The following KSR1 variants were observed in gnomAD, a reference collection of about 807,000 sequenced individuals.
The protein encoded by KSR1 is kinase suppressor of ras 1, also known as kinase suppressor of ras.
Under a neutral mutation model 92.9 loss-of-function variants are expected in KSR1, and 35 were observed. The ratio of observed to expected loss-of-function variants is 0.38; its 90% CI spans 0.29 to 0.50. The LOEUF is 0.50. KSR1 is among the 20% of genes least tolerant of loss of function. KSR1 has a pLI of 0.94. For synonymous variants in KSR1, 467 were observed against 472.6 expected (o/e 0.99, Z 0.15); for missense variants, 972 against 1,158.5 (o/e 0.84, Z 2.34).
At chr17:27,563,713 C>T (rs1046114269) in intron 2 of KSR1, among the ~76,000 whole-genome samples, 11 of 152,206 alleles carry the variant, frequency 7.2e-5, no homozygotes, top group Admixed American at 5.2e-4. Flanking sequence ...GGCAGGAGAA[C>T]GCATCAGATG....
At chr17:27,564,636 GGCTGAAAAATA>G (rs2071985018) in intron 2 of KSR1, among the ~76,000 whole-genome samples, 1 of 152,062 alleles carries the variant, frequency 6.6e-6, no homozygotes, top group Non-Finnish European at 1.5e-5. Flanking sequence ...TGTTTCCCTT[GGCTGAAAAATA>G]GCTGAAAAAT....
rs1287644532 is a variant in KSR1 at position 27,547,716 on chromosome 17, CT to C, written c.232-2844del. Among the ~76,000 whole-genome samples, 3 of 151,910 alleles carry C rather than the reference CT, an allele frequency of 2.0e-5. No individual in the cohort carries two copies. The South Asian group carries it at 6.2e-4, about 32-fold the overall frequency. On this transcript the variant is annotated intron_variant, in intron 1 of 20. Coordinates refer to ENST00000644974, the MANE Select transcript of KSR1 (RefSeq NM_001394583.1). The stretch of plus-strand genomic sequence containing the variant: ...TCAGCCTGTATCTCAATATATTTTT[CT>C]TTTTTTTCTTTTTATTTGAGACGAT...
chr17:27,578,823 A>G (rs570613323), intron 3 of KSR1: 1 of 152,246 alleles, frequency 6.6e-6, no homozygotes, highest in Non-Finnish European at 1.5e-5. Context: ...TCACTAATTT[A>G]TGCACCTACT....
At chr17:27,557,633 A>G (rs1254345497) in intron 2 of KSR1, among the ~76,000 whole-genome samples, 2 of 152,174 alleles carry the variant, frequency 1.3e-5, no homozygotes, top group Admixed American at 6.5e-5. Context: ...GCCTCAGTTT[A>G]TCCATATGAG....
At position 27,496,197 on chromosome 17, in the gene KSR1, C is replaced by T. The variant is rs561901420; in HGVS notation, c.231+39323C>T. Among the ~76,000 whole-genome samples the T allele has an allele frequency of 2.6e-5, 4 of 152,204 alleles. No individual in the cohort carries two copies. In the East Asian group the frequency reaches 7.7e-4, roughly 29 times the overall value. ...CTTATTTTGAGTAAGAGAGTGAGGC[C>T]CCGGGTGGCGTTTTTGTGTTTGCCT... is the stretch of plus-strand genomic sequence containing the variant. On this transcript the variant is annotated intron_variant, in intron 1 of 20. Coordinates refer to ENST00000644974, the MANE Select transcript of KSR1 (RefSeq NM_001394583.1).
At chr17:27,529,611 G>T (rs150784054) in intron 1 of KSR1, among the ~76,000 whole-genome samples, 52 of 152,274 alleles carry the variant, frequency 3.4e-4, no homozygotes, top group Admixed American at 1.1e-3. Flanking sequence ...TTTCCATTTT[G>T]TATTTCCTTG....
rs145390989 is a variant in KSR1 at position 27,469,993 on chromosome 17, A to AGTGT, written c.231+13158_231+13161dup. On this transcript the variant is annotated intron_variant, in intron 1 of 20. Coordinates refer to ENST00000644974, the MANE Select transcript of KSR1 (RefSeq NM_001394583.1). Reference sequence around the variant, plus strand: ...ACTGGATCAAAGAGCATGGAGATGGAGTGTGTGTGTGTGTGTGTGTGTGTG... The same window carrying AGTGT: ...ACTGGATCAAAGAGCATGGAGATGGAGTGTGTGTGTGTGTGTGTGTGTGTGTGTG... 9.2e-3 allele frequency among the ~76,000 whole-genome samples: 1,281 copies of AGTGT among 139,614 alleles called. 10 individuals carry two copies. The highest frequency in any genetic ancestry group is 0.019 in the African/African-American group (691 of 36,744). The allele number at this position is 139,614 out of a possible 152,430, so 91.6% of individuals were successfully genotyped here.
chr17:27,471,452 G>A (rs2019996431), intron 1 of KSR1, among the ~76,000 whole-genome samples: 1 of 152,168 alleles, frequency 6.6e-6, no homozygotes, highest in African/African-American at 2.4e-5. Context: ...GAAGGCCACT[G>A]TAGCCTGGAG....
chr17:27,606,804 A>G (rs997216733), intron 14 of KSR1, among the ~76,000 whole-genome samples: 10 of 152,112 alleles, frequency 6.6e-5, no homozygotes, highest in Admixed American at 1.3e-4. Context: ...AAAAAAAAAA[A>G]AAGTAGTTAA....
intron 1 of KSR1, among the ~76,000 whole-genome samples, chr17:27,538,112 T>G (rs1241669274): frequency 6.6e-6 from 1 of 152,222 alleles, no homozygotes; most frequent in Non-Finnish European, 1.5e-5. Flanking sequence ...TTTGCTGTTG[T>G]AGGTTTTCTG....
intron 20 of KSR1, 133 bp downstream of exon 20, chr17:27,621,406 T>A (rs2074220438): frequency 2.5e-6 from 1 of 395,036 alleles, no homozygotes; most frequent in Non-Finnish European, 4.5e-6. Context: ...AAAGTGAGGT[T>A]TCTGCAGCTG....
chr17:27,583,379 A>C (rs1038159119), intron 4 of KSR1, among the ~76,000 whole-genome samples: 46 of 152,250 alleles, frequency 3.0e-4, no homozygotes, highest in Admixed American at 2.6e-4. Flanking sequence ...AGATATGCCC[A>C]AATCACCAGG....
At chr17:27,589,520 T>G (rs1486884069) in intron 6 of KSR1, among the ~76,000 whole-genome samples, 1 of 152,222 alleles carries the variant, frequency 6.6e-6, no homozygotes, top group Non-Finnish European at 1.5e-5. Context: ...ATCCTGGACC[T>G]GCCTCACTCC....
At chr17:27,457,000 TC>T (rs1255852686) in intron 1 of KSR1, 126 bp downstream of exon 1, 1 of 659,340 alleles carries the variant, frequency 1.5e-6, no homozygotes, top group Non-Finnish European at 2.7e-6. Context: ...TTCCCCTCCC[TC>T]CTGCACTCGC....
In KSR1 at chr17:27,456,885, C is replaced by A; in HGVS notation, c.231+11C>A. 2 of 847,090 alleles carry A rather than the reference C, an allele frequency of 2.4e-6. No homozygotes were observed. Among genetic ancestry groups the A allele is most frequent in the South Asian group, 2.6e-5 (2 of 76,046 alleles). 52.5% of individuals were successfully genotyped at this position (847,090 alleles called of 1,614,324 possible). ...ATACGGACCCTGGAGGTAAGTGGGTCGGGGACCAGGCTGGGCTCGAGGAGC... is the reference window on the plus strand; with the variant it reads ...ATACGGACCCTGGAGGTAAGTGGGTAGGGGACCAGGCTGGGCTCGAGGAGC... On this transcript the variant is annotated intron_variant, in intron 1 of 20. Transcript: ENST00000644974.
intron 1 of KSR1, among the ~76,000 whole-genome samples, chr17:27,467,698 T>C (rs1463459635): frequency 1.3e-5 from 2 of 152,224 alleles, no homozygotes; most frequent in African/African-American, 4.8e-5. Flanking sequence ...TTTCAGTGTC[T>C]GTTAATCTCT....
intron 1 of KSR1, among the ~76,000 whole-genome samples, chr17:27,494,542 C>T (rs1212819743): frequency 1.3e-5 from 2 of 152,160 alleles, no homozygotes; most frequent in African/African-American, 4.8e-5. Flanking sequence ...GTGTCAGCCC[C>T]CTCTGCCTCG....
intron 19 of KSR1, among the ~76,000 whole-genome samples, chr17:27,618,947 CG>C (rs1264164132): frequency 6.6e-6 from 1 of 152,208 alleles, no homozygotes; most frequent in African/African-American, 2.4e-5. Context: ...GCTCTTGCCT[CG>C]GCCTCCCAAA....
chr17:27,570,547 A>G (rs1878043110), intron 2 of KSR1, among the ~76,000 whole-genome samples: 1 of 152,228 alleles, frequency 6.6e-6, no homozygotes, highest in African/African-American at 2.4e-5. Context: ...TCCCAGGCTT[A>G]CCAATGCATA....
Sources: gnomAD v4.1 joint callset for allele counts (sites outside exome capture counted in the v4.1 genomes callset) on GRCh38, gnomAD v4.1.1 for gene constraint, MANE v1.5 for transcripts, NCBI Gene and HGNC (gene_info 2026-07-23, HGNC 2026-07-21) for gene names.